The following KANK1 variants were observed in gnomAD, a reference collection of about 807,000 sequenced individuals.
The protein encoded by KANK1 is KN motif and ankyrin repeat domain-containing protein 1.
KANK1 carries 109 observed loss-of-function variants against 106.2 expected under a neutral mutation model. That is an observed-to-expected ratio of 1.03 (90% CI 0.88 to 1.20). The LOEUF (loss-of-function observed/expected upper bound fraction) is 1.20. KANK1 is among the 50% of genes most tolerant of loss of function. KANK1 has a pLI of 0.00. For synonymous variants in KANK1, 873 were observed against 652.2 expected (o/e 1.34, Z -5.16); for missense variants, 2,399 against 1,710.7 (o/e 1.40, Z -7.10).
chr9:552,303 A>G (rs2061330915), intron 1 of KANK1, among the ~76,000 whole-genome samples: 1 of 152,196 alleles, frequency 6.6e-6, no homozygotes, highest in African/African-American at 2.4e-5. Context: ...TAGAAGCAAG[A>G]AGACCAATTA....
At chr9:560,058 T>C (rs141619619) in intron 1 of KANK1, among the ~76,000 whole-genome samples, 41 of 152,330 alleles carry the variant, frequency 2.7e-4, no homozygotes, top group African/African-American at 8.9e-4. Context: ...ACAGCAGATA[T>C]GGAATAATCC....
intron 1 of KANK1, among the ~76,000 whole-genome samples, chr9:589,407 G>T (rs1368172642): frequency 6.6e-6 from 1 of 151,742 alleles, no homozygotes; most frequent in Non-Finnish European, 1.5e-5. Flanking sequence ...CCCAGGTCTG[G>T]AGATTTGCTG....
At chr9:534,645 G>T (rs2060214564) in intron 1 of KANK1, among the ~76,000 whole-genome samples, 1 of 152,150 alleles carries the variant, frequency 6.6e-6, no homozygotes, top group Non-Finnish European at 1.5e-5. Context: ...TTTAACTATT[G>T]ATTGTTCATC....
At chr9:574,950 A>G (rs960694555) in intron 1 of KANK1, among the ~76,000 whole-genome samples, 1 of 152,002 alleles carries the variant, frequency 6.6e-6, no homozygotes, top group Admixed American at 6.6e-5. Flanking sequence ...TTATGCCCAC[A>G]GGGGAACTTG....
At chr9:504,072 G>T (rs1342436150), upstream of KANK1, among the ~76,000 whole-genome samples, 1 of 152,164 alleles carries the variant, frequency 6.6e-6, no homozygotes, top group African/African-American at 2.4e-5. Context: ...GGCACCTGCA[G>T]GAAACAGAGC....
At chr9:491,270 A>ATTTTTT (rs1313946480) in intron 3 of KANK1, among the ~76,000 whole-genome samples, 1 of 140,744 alleles carries the variant, frequency 7.1e-6, no homozygotes, top group African/African-American at 2.8e-5. Context: ...CCTGGAGTGC[A>ATTTTTT]TTTTCTTTTT....
In KANK1 at chr9:710,923, C is replaced by T; in HGVS notation, c.157C>T (p.Gln53Ter). ...TTTCCTCAAATATGTGGATGACATA[C>T]AGAAGGGAAATACCATCAAAAGACT... Reference protein sequence around the residue: ...LDFLKYVDDIQKGNTIKRLNI... With the variant: ...LDFLKYVDDI Residue 53 changes from glutamine (Q) to a stop codon, truncating the protein, a stop_gained, in exon 3 of 12, where the codon CAG becomes TAG. Coordinates refer to ENST00000382297, the MANE Select transcript of KANK1 (RefSeq NM_015158.5). LOFTEE classifies it high-confidence loss of function. 1 of 1,614,138 alleles carries T rather than the reference C, an allele frequency of 6.2e-7. No homozygotes were observed. Among genetic ancestry groups the T allele is most frequent in the Non-Finnish European group, 8.5e-7 (1 of 1,180,016 alleles).
At chr9:611,047 T>G (rs537924978) in intron 1 of KANK1, among the ~76,000 whole-genome samples, 1 of 152,280 alleles carries the variant, frequency 6.6e-6, no homozygotes, top group East Asian at 1.9e-4. Flanking sequence ...CTCACTTTAT[T>G]ACTCTGGCAT....
At chr9:660,830 G>C (rs1438843959) in intron 1 of KANK1, among the ~76,000 whole-genome samples, 2 of 152,204 alleles carry the variant, frequency 1.3e-5, no homozygotes, top group East Asian at 1.9e-4. Flanking sequence ...CAGAGTTTTA[G>C]AGAGGCCCCC....
chr9:662,132 C>CACT, intron 1 of KANK1, among the ~76,000 whole-genome samples: 1 of 152,048 alleles, frequency 6.6e-6, no homozygotes, highest in South Asian at 2.1e-4. Flanking sequence ...ATGTGAAGGA[C>CACT]CTCTTCAAGG....
intron 1 of KANK1, among the ~76,000 whole-genome samples, chr9:554,854 C>T (rs1037127774): frequency 1.3e-5 from 2 of 152,142 alleles, no homozygotes; most frequent in Admixed American, 6.5e-5. Context: ...ATTTAAAAAA[C>T]GAGATCTTTC....
At chr9:565,337 T>G (rs753512428) in intron 1 of KANK1, among the ~76,000 whole-genome samples, 2 of 152,248 alleles carry the variant, frequency 1.3e-5, no homozygotes, top group Non-Finnish European at 2.9e-5. Flanking sequence ...GTTTCATGTT[T>G]GCTCCCATTC....
intron 9 of KANK1, 106 bp from the exon 10 acceptor site, chr9:742,099 C>T (rs1474511003): frequency 4.1e-6 from 4 of 966,042 alleles, no homozygotes; most frequent in African/African-American, 1.6e-5. Flanking sequence ...CAGTTCTTTC[C>T]CTTCTGTCAC....
intron 1 of KANK1, among the ~76,000 whole-genome samples, chr9:506,219 T>G (rs1417826763): frequency 6.6e-6 from 1 of 152,190 alleles, no homozygotes; most frequent in Non-Finnish European, 1.5e-5. Flanking sequence ...GAAGTTTTTC[T>G]AAGATAGAGA....
At chr9:583,193 A>G (rs971106929) in intron 1 of KANK1, among the ~76,000 whole-genome samples, 1 of 152,182 alleles carries the variant, frequency 6.6e-6, no homozygotes, top group Non-Finnish European at 1.5e-5. Flanking sequence ...TCTGTTACCA[A>G]GTCTTTTTTA....
At chr9:572,198 C>G (rs973694465) in intron 1 of KANK1, among the ~76,000 whole-genome samples, 1 of 143,006 alleles carries the variant, frequency 7.0e-6, no homozygotes, top group African/African-American at 2.6e-5. Context: ...GCTCTTTTCC[C>G]AGGCTTGAGT....
In KANK1 at chr9:734,754, A is replaced by G. The variant is rs766714090; in HGVS notation, c.3252A>G (p.Glu1084=). 6.2e-7 allele frequency: 1 copy of G among 1,605,394 alleles called. No individual in the cohort carries two copies. The change falls in exon 7 of 12, where the codon GAA becomes GAG. Residue 1084 remains glutamate, a synonymous_variant. Coordinates refer to ENST00000382297, the MANE Select transcript of KANK1 (RefSeq NM_015158.5). The part of the protein sequence containing the change: ...PEKVEIRERY[E]LSEKMLSACN... Reference sequence around the variant, plus strand: ...TTGTTTTTTCTCCTTTCAGGTATGAATTAAGTGAAAAGATGTTGTCTGCAT... The same window carrying G: ...TTGTTTTTTCTCCTTTCAGGTATGAGTTAAGTGAAAAGATGTTGTCTGCAT...
rs142067220 is a variant in KANK1, at chr9:615,131, C to T, written c.-83-61759C>T. ...ATTTTTAATTTTTTGTAGAGGGTCT[C>T]CCTGTGTTGCCCAGACTGGTCCTGA... On this transcript the variant is annotated intron_variant, in intron 1 of 11. Coordinates refer to ENST00000382297, the MANE Select transcript of KANK1 (RefSeq NM_015158.5). 4.5e-3 allele frequency among the ~76,000 whole-genome samples: 690 copies of T among 152,190 alleles called. 4 individuals are homozygous for T. The highest frequency in any genetic ancestry group is 0.015 in the African/African-American group (641 of 41,514).
intron 1 of KANK1, among the ~76,000 whole-genome samples, chr9:651,553 T>G (rs991185822): frequency 1.3e-5 from 2 of 152,208 alleles, no homozygotes; most frequent in African/African-American, 4.8e-5. Flanking sequence ...AAGGAATGCT[T>G]GTTCGTTCCA....
Sources: gnomAD v4.1 joint callset for allele counts (sites outside exome capture counted in the v4.1 genomes callset) on GRCh38, gnomAD v4.1.1 for gene constraint, MANE v1.5 for transcripts, NCBI Gene and HGNC (gene_info 2026-07-23, HGNC 2026-07-21) for gene names.